TMEM272: variants seen among roughly 807,000 people sequenced by gnomAD.
TMEM272 encodes the protein transmembrane protein 272, also known as long intergenic non-protein coding RNA 282.
In TMEM272, 8 loss-of-function variants were observed where a neutral mutation model predicts 3.7. The ratio of observed to expected loss-of-function variants is 2.17; its 90% CI spans 1.27 to 3.91. The LOEUF (loss-of-function observed/expected upper bound fraction) is 3.91. TMEM272 is among the 30% of genes most tolerant of loss of function. TMEM272 has a pLI of 0.00. For missense variants in TMEM272, 166 were observed against 91.5 expected (o/e 1.81, Z -3.32); for synonymous variants, 63 against 39.8 (o/e 1.58, Z -2.20).
the TMEM272 span, among the ~76,000 whole-genome samples, chr13:51,926,676 C>T: frequency 3.4e-5 from 5 of 149,212 alleles, no homozygotes; most frequent in South Asian, 4.2e-4. Flanking sequence ...TGTGCGCGCA[C>T]GCACACGCAC....
chr13:51,861,832 G>A, the TMEM272 span: 1 of 152,276 alleles, frequency 6.6e-6, no homozygotes, highest in Non-Finnish European at 1.5e-5. Context: ...CAAAGACGAA[G>A]AATCTGGAAA....
chr13:51,858,087 A>G, the TMEM272 span, among the ~76,000 whole-genome samples: 1 of 152,216 alleles, frequency 6.6e-6, no homozygotes, highest in Non-Finnish European at 1.5e-5. Flanking sequence ...TGTATCTAAT[A>G]ATATAGCCTC....
the TMEM272 span, among the ~76,000 whole-genome samples, chr13:51,918,808 T>C: frequency 2.7e-4 from 39 of 141,854 alleles, 1 homozygote; most frequent in South Asian, 8.4e-3. Context: ...AAATTCTTTT[T>C]TTTTTTTTTT....
At chr13:51,927,801 A>G in the TMEM272 span, among the ~76,000 whole-genome samples, 1 of 152,100 alleles carries the variant, frequency 6.6e-6, no homozygotes, top group Non-Finnish European at 1.5e-5. Context: ...TGCCATTCTA[A>G]TGATGACTGC....
the TMEM272 span, among the ~76,000 whole-genome samples, chr13:51,912,356 C>T: frequency 3.4e-4 from 51 of 152,218 alleles, no homozygotes; most frequent in Middle Eastern, 3.4e-3. Flanking sequence ...TGCAAACAGC[C>T]TTCTCCGTAT....
At chr13:51,861,017 G>C in the TMEM272 span, among the ~76,000 whole-genome samples, 3 of 152,044 alleles carry the variant, frequency 2.0e-5, no homozygotes, top group African/African-American at 7.2e-5. Flanking sequence ...GTCATAAACA[G>C]AGAATCCTGC....
chr13:51,895,502 T>C, the TMEM272 span, among the ~76,000 whole-genome samples: 1 of 152,216 alleles, frequency 6.6e-6, no homozygotes, highest in South Asian at 2.1e-4. Context: ...TGGATAGCCC[T>C]GAAAAGAACT....
chr13:51,873,631 T>C, the TMEM272 span, among the ~76,000 whole-genome samples: 1 of 152,240 alleles, frequency 6.6e-6, no homozygotes, highest in Non-Finnish European at 1.5e-5. Context: ...TCCCTTGTGA[T>C]GTTGGACTTT....
the TMEM272 span, among the ~76,000 whole-genome samples, chr13:51,889,469 G>C: frequency 6.6e-6 from 1 of 152,182 alleles, no homozygotes; most frequent in African/African-American, 2.4e-5. Flanking sequence ...AAAAGGCCCT[G>C]TGAAGACATG....
chr13:51,902,179 T>C, the TMEM272 span, among the ~76,000 whole-genome samples: 1 of 152,222 alleles, frequency 6.6e-6, no homozygotes, highest in Non-Finnish European at 1.5e-5. Flanking sequence ...CTCAGTTTTG[T>C]AAGATGTAAA....
the TMEM272 span, among the ~76,000 whole-genome samples, chr13:51,859,089 C>T: frequency 3.3e-5 from 5 of 152,038 alleles, no homozygotes; most frequent in Non-Finnish European, 5.9e-5. Context: ...TGGCAGTTCA[C>T]TGAAAAGCTT....
At chr13:51,868,265 A>T in the TMEM272 span, among the ~76,000 whole-genome samples, 2 of 152,232 alleles carry the variant, frequency 1.3e-5, no homozygotes, top group Admixed American at 1.3e-4. Context: ...TCACACAATC[A>T]CAATGTCATT....
In TMEM272 at chr13:51,816,608, A is replaced by G; in HGVS notation, c.*143T>C. On this transcript the variant is annotated 3_prime_UTR_variant, in exon 5 of 5. Transcript: ENST00000629372. ...TCAGTGCCTTTGGGTGGCTTTTTAA[A>G]TGCCTTCAGGGAAGGTTTTATTACC... is the stretch of plus-strand genomic sequence containing the variant. The G allele has an allele frequency of 1.7e-6, 1 of 584,358 alleles. No homozygotes were observed. The highest frequency in any genetic ancestry group is 3.1e-6 in the Non-Finnish European group (1 of 327,474). 36.2% of individuals were successfully genotyped at this position (584,358 alleles called of 1,614,324 possible). A position where few individuals can be genotyped will look rare whatever the true frequency, so the allele number is the denominator to read the frequency against.
At chr13:51,845,578 C>T (rs1382874058), upstream of TMEM272, among the ~76,000 whole-genome samples, 1 of 152,114 alleles carries the variant, frequency 6.6e-6, no homozygotes, top group Non-Finnish European at 1.5e-5. Flanking sequence ...AAATTGATTC[C>T]GAGTCATTGC....
At chr13:51,865,304 A>T in the TMEM272 span, 2 of 1,248,958 alleles carry the variant, frequency 1.6e-6, no homozygotes, top group South Asian at 1.5e-5. Context: ...TGATACTCAT[A>T]GATCTGTCTT....
At chr13:51,851,379 AGAG>A in the TMEM272 span, among the ~76,000 whole-genome samples, 23,020 of 150,292 alleles carry the variant, frequency 0.15, 2,157 homozygotes, top group Middle Eastern at 0.24. Flanking sequence ...AAGAAGAGGA[AGAG>A]GAGGAGGAGG....
the TMEM272 span, among the ~76,000 whole-genome samples, chr13:51,912,734 A>C: frequency 6.6e-6 from 1 of 151,986 alleles, no homozygotes; most frequent in Non-Finnish European, 1.5e-5. Context: ...TCCACCCATC[A>C]CGGCTTTGGA....
the TMEM272 span, chr13:51,865,775 A>G: frequency 6.2e-6 from 10 of 1,614,182 alleles, no homozygotes; most frequent in Non-Finnish European, 8.5e-6. Context: ...GAAGGAGGAT[A>G]AGGCCTTCTG....
At chr13:51,874,369 C>T in the TMEM272 span, among the ~76,000 whole-genome samples, 14 of 152,180 alleles carry the variant, frequency 9.2e-5, no homozygotes, top group Non-Finnish European at 8.8e-5. Flanking sequence ...AGAACCAGGC[C>T]AAGATAGAGA....
Sources: allele counts gnomAD v4.1 joint callset (sites outside exome capture counted in the v4.1 genomes callset), GRCh38; gene constraint gnomAD v4.1.1; transcripts MANE v1.5; gene names NCBI Gene and HGNC (gene_info 2026-07-23, HGNC 2026-07-21).